The following HRH1 variants were observed in gnomAD, a reference collection of about 807,000 sequenced individuals.
The protein encoded by HRH1 is histamine H1 receptor.
In HRH1, 6 loss-of-function variants were observed where a neutral mutation model predicts 10.3. The observed-to-expected ratio is 0.58, with a 90% confidence interval of 0.32 to 1.15. The LOEUF (loss-of-function observed/expected upper bound fraction) is 1.15. HRH1 is among the 50% of genes most tolerant of loss of function. The pLI is 0.05. For synonymous variants in HRH1, 242 were observed against 236.7 expected (o/e 1.02, Z -0.21); for missense variants, 514 against 615.3 (o/e 0.84, Z 1.74).
intron 1 of HRH1, among the ~76,000 whole-genome samples, chr3:11,139,560 G>T (rs1036106578): frequency 1.3e-5 from 2 of 152,082 alleles, no homozygotes; most frequent in Non-Finnish European, 2.9e-5. Flanking sequence ...GATTTCAGGC[G>T]TGAGCCACCG....
chr3:11,157,839 C>G (rs1936845420), intron 1 of HRH1, among the ~76,000 whole-genome samples: 1 of 152,186 alleles, frequency 6.6e-6, no homozygotes, highest in Admixed American at 6.5e-5. Flanking sequence ...GAGGAAGCTG[C>G]CCCCAGGGAG....
chr3:11,169,192 A>G (rs1174554717), intron 1 of HRH1, among the ~76,000 whole-genome samples: 3 of 152,160 alleles, frequency 2.0e-5, no homozygotes, highest in Non-Finnish European at 4.4e-5. Context: ...CCTCTGTGGA[A>G]TAGGACCATA....
intron 1 of HRH1, among the ~76,000 whole-genome samples, chr3:11,219,961 T>TG (rs1218717974): frequency 2.0e-5 from 3 of 150,758 alleles, no homozygotes; most frequent in Non-Finnish European, 4.4e-5. Flanking sequence ...TTTTTTTTTT[T>TG]TTTTTTTTTA....
chr3:11,143,257 T>C (rs974420138), intron 1 of HRH1, among the ~76,000 whole-genome samples: 1 of 152,182 alleles, frequency 6.6e-6, no homozygotes, highest in African/African-American at 2.4e-5. Context: ...ATCTGATGTG[T>C]GTCCACAGGG....
intron 1 of HRH1, among the ~76,000 whole-genome samples, chr3:11,212,136 A>G (rs756183820): frequency 1.2e-4 from 19 of 152,124 alleles, no homozygotes; most frequent in Non-Finnish European, 2.2e-4. Flanking sequence ...CCCAGATATG[A>G]TATCCTTTTG....
chr3:11,184,054 C>T (rs1237446560), intron 1 of HRH1, among the ~76,000 whole-genome samples: 1 of 151,792 alleles, frequency 6.6e-6, no homozygotes, highest in Non-Finnish European at 1.5e-5. Flanking sequence ...ATCTCCAGTG[C>T]CCGGCACAGT....
At chr3:11,255,574 G>A (rs1464966948) in intron 1 of HRH1, among the ~76,000 whole-genome samples, 1 of 152,226 alleles carries the variant, frequency 6.6e-6, no homozygotes, top group Non-Finnish European at 1.5e-5. Flanking sequence ...AGCAACAGGA[G>A]GTCCTGACGA....
In HRH1 at chr3:11,171,149, C is replaced by G. The variant is rs188662336; in HGVS notation, c.-36+16595C>G. ...TTTTTTTTTTTTTGAGACAGTCTCA[C>G]TCTGTTGCCCAGGCTGCAGTGCAGT... On this transcript the variant is annotated intron_variant, in intron 1 of 1. Transcript: ENST00000431010. Among the ~76,000 whole-genome samples, 15 of 147,264 alleles carry G rather than the reference C, an allele frequency of 1.0e-4. No individual in the cohort carries two copies. In the East Asian group the frequency reaches 2.8e-3, roughly 27 times the overall value.
upstream of HRH1, among the ~76,000 whole-genome samples, chr3:11,150,851 G>A (rs1470901306): frequency 2.0e-5 from 3 of 152,260 alleles, no homozygotes; most frequent in African/African-American, 7.2e-5. Flanking sequence ...GAAGAAGGAA[G>A]GGGATTTGGT....
At chr3:11,160,749 A>T (rs1326281258) in intron 1 of HRH1, among the ~76,000 whole-genome samples, 2 of 152,118 alleles carry the variant, frequency 1.3e-5, no homozygotes, top group Non-Finnish European at 2.9e-5. Flanking sequence ...TAACCTGGAA[A>T]CCCAGTCATT....
intron 1 of HRH1, among the ~76,000 whole-genome samples, chr3:11,258,388 C>T (rs902647653): frequency 2.0e-5 from 3 of 152,150 alleles, no homozygotes; most frequent in African/African-American, 7.2e-5. Flanking sequence ...ATTTTCTTGG[C>T]CTTCCCGATG....
rs571108417 is a variant in HRH1, at chr3:11,154,856, G to C, written c.-36+302G>C. On this transcript the variant is annotated intron_variant, in intron 1 of 1. Transcript: ENST00000431010. This position sits in a 1 kb window ranked among gnomAD's most constrained non-coding sequence, Gnocchi z 4.4. ...GTGCGCGCCCTGAGCGTCCGTCTTT[G>C]AGCTCGGGCGAGCAGAGGGGGAGCC... is the stretch of plus-strand genomic sequence containing the variant. Among the ~76,000 whole-genome samples, 1 of 152,248 alleles carries C rather than the reference G, an allele frequency of 6.6e-6. No individual in the cohort carries two copies. The highest frequency in any genetic ancestry group is 1.9e-4 in the East Asian group (1 of 5,154).
chr3:11,156,734 T>A (rs1936809969), intron 1 of HRH1, among the ~76,000 whole-genome samples: 1 of 152,216 alleles, frequency 6.6e-6, no homozygotes, highest in Non-Finnish European at 1.5e-5. Context: ...AGCACTTCAG[T>A]GGTGCCATGT....
chr3:11,241,906 C>T (rs1303130200), intron 1 of HRH1, among the ~76,000 whole-genome samples: 2 of 151,486 alleles, frequency 1.3e-5, no homozygotes, highest in Non-Finnish European at 2.9e-5. Context: ...CTCTGTAAAA[C>T]GCACCAATCA....
chr3:11,202,438 T>TAATTAAA (rs58125465), intron 1 of HRH1, among the ~76,000 whole-genome samples: 4 of 133,554 alleles, frequency 3.0e-5, no homozygotes, highest in Admixed American at 7.5e-5. Flanking sequence ...AAATAAATAA[T>TAATTAAA]TAATTAAAAA....
In HRH1 at chr3:11,260,461, T is replaced by C. The variant is rs755461695; in HGVS notation, c.1424T>C (p.Phe475Ser). Reference protein sequence around the residue: ...PLIYPLCNENFKKTFKRILHI... With the variant: ...PLIYPLCNENSKKTFKRILHI... ...ATCTACCCCTTGTGCAATGAGAACT[T>C]CAAGAAGACATTCAAGAGAATTCTG... The change falls in exon 2 of 2, where the codon TTC becomes TCC. Residue 475 changes from phenylalanine to serine, a missense_variant. Phe to Ser is a radical substitution (Grantham distance 155). Transcript: ENST00000431010. The C allele has an allele frequency of 6.2e-7, 1 of 1,610,564 alleles. No individual in the cohort carries two copies. Among genetic ancestry groups the C allele is most frequent in the Non-Finnish European group, 8.5e-7 (1 of 1,178,054 alleles).
At position 11,259,880 on chromosome 3, in the gene HRH1, G is replaced by A. The variant is rs369093088; in HGVS notation, c.843G>A (p.Lys281=). 2.5e-6 allele frequency: 4 copies of A among 1,614,002 alleles called. No individual in the cohort carries two copies. Among genetic ancestry groups the A allele is most frequent in the African/African-American group, 1.3e-5 (1 of 74,920 alleles). Reference sequence around the variant, plus strand: ...TGAAGTCACCATCCCAAACCCCCAAGGAGATGAAATCCCCAGTTGTCTTCA... The same window carrying A: ...TGAAGTCACCATCCCAAACCCCCAAAGAGATGAAATCCCCAGTTGTCTTCA... The part of the protein sequence containing the change: ...SVLKSPSQTP[K]EMKSPVVFSQ... Residue 281 remains lysine (K), a synonymous_variant, in exon 2 of 2, where the codon AAG becomes AAA. Transcript: ENST00000431010. The surrounding 1 kb of genome is among the most constrained non-coding windows in gnomAD (Gnocchi z 4.6).
At chr3:11,205,492 G>A (rs902786500) in intron 1 of HRH1, among the ~76,000 whole-genome samples, 2 of 152,036 alleles carry the variant, frequency 1.3e-5, no homozygotes, top group Non-Finnish European at 2.9e-5. Context: ...CTCTGAACTG[G>A]GATAACAACA....
At chr3:11,203,053 A>C (rs1445094053) in intron 1 of HRH1, among the ~76,000 whole-genome samples, 6 of 152,188 alleles carry the variant, frequency 3.9e-5, no homozygotes, top group Non-Finnish European at 8.8e-5. Flanking sequence ...TATGCATGTC[A>C]GTTTCCTCCA....
Sources: allele counts gnomAD v4.1 joint callset (sites outside exome capture counted in the v4.1 genomes callset), GRCh38; gene constraint gnomAD v4.1.1; non-coding constraint Gnocchi (gnomAD v3.1); transcripts MANE v1.5; gene names NCBI Gene and HGNC (gene_info 2026-07-23, HGNC 2026-07-21).